Variants in GABBR2 observed in about 807,000 individuals in gnomAD.
GABBR2 encodes gamma-aminobutyric acid type B receptor subunit 2, also known as G-protein coupled receptor 51.
Under a neutral mutation model 105.6 loss-of-function variants are expected in GABBR2, and 23 were observed. The observed-to-expected ratio is 0.22, with a 90% CI of 0.16 to 0.31. The LOEUF is 0.31. Among genes scored for constraint, GABBR2 ranks in the 10% least tolerant of loss-of-function variants. GABBR2 has a pLI of 1.00. For missense variants in GABBR2, 734 were observed against 1,245.5 expected, an observed-to-expected ratio of 0.59 and a Z score of 6.18; for synonymous variants, 478 against 499.7, an observed-to-expected ratio of 0.96 and a Z score of 0.58.
chr9:98,326,814 A>T (rs1472461872), intron 13 of GABBR2, among the ~76,000 whole-genome samples: 5 of 152,170 alleles, frequency 3.3e-5, no homozygotes, highest in African/African-American at 1.2e-4. Context: ...TTTGCTAGGC[A>T]CTCTGTATAT....
chr9:98,671,913 G>A (rs1212107308), intron 1 of GABBR2, among the ~76,000 whole-genome samples: 2 of 152,144 alleles, frequency 1.3e-5, no homozygotes, highest in East Asian at 3.9e-4. Context: ...GCAGAGAGTT[G>A]GAGAACTAGC....
At chr9:98,489,755 A>G (rs1827136749) in intron 4 of GABBR2, among the ~76,000 whole-genome samples, 2 of 151,968 alleles carry the variant, frequency 1.3e-5, no homozygotes, top group Admixed American at 6.6e-5. Flanking sequence ...AGAGGAAGAC[A>G]CCAAGGCAGG....
Position 98,549,066 on chromosome 9 carries a change from C to T in GABBR2, c.460-7023G>A. Among the ~76,000 whole-genome samples the T allele has an allele frequency of 1.7e-5, 2 of 121,186 alleles. 1 individual carries two copies. Among genetic ancestry groups the T allele is most frequent in the Non-Finnish European group, 3.7e-5 (2 of 53,954 alleles). The allele number at this position is 121,186 out of a possible 152,430, so 79.5% of individuals were successfully genotyped here. A position where few individuals can be genotyped will look rare whatever the true frequency, so the allele number is the denominator to read the frequency against. On this transcript the variant is annotated intron_variant, in intron 2 of 18. Transcript: ENST00000259455. ...GATTCTCCTGCCTCAGCCTCCCAAG[C>T]AGTGATTACAGGCACCCACCACCAT...
chr9:98,421,251 G>A (rs1189673672), intron 7 of GABBR2, among the ~76,000 whole-genome samples: 1 of 152,114 alleles, frequency 6.6e-6, no homozygotes, highest in South Asian at 2.1e-4. Flanking sequence ...TGATGACATC[G>A]CCTCTTTGTG....
At chr9:98,613,228 C>T (rs997513967) in intron 1 of GABBR2, among the ~76,000 whole-genome samples, 1 of 152,184 alleles carries the variant, frequency 6.6e-6, no homozygotes, top group African/African-American at 2.4e-5. Flanking sequence ...CACTTGAAGT[C>T]ATGAGTTCGA....
intron 1 of GABBR2, among the ~76,000 whole-genome samples, chr9:98,627,184 C>T (rs1322584368): frequency 6.6e-6 from 1 of 152,132 alleles, no homozygotes; most frequent in Non-Finnish European, 1.5e-5. Context: ...CAGATGTCCA[C>T]ATGATACTCA....
intron 9 of GABBR2, among the ~76,000 whole-genome samples, chr9:98,393,796 T>C (rs975594981): frequency 6.6e-6 from 1 of 152,204 alleles, no homozygotes; most frequent in Non-Finnish European, 1.5e-5. Flanking sequence ...AGAGGAGTTC[T>C]CTAGCAGAGG....
chr9:98,584,687 T>C (rs1262926094), intron 1 of GABBR2, among the ~76,000 whole-genome samples: 1 of 152,188 alleles, frequency 6.6e-6, no homozygotes, highest in African/African-American at 2.4e-5. Context: ...TGCTGAGAGT[T>C]AAAATGTAAA....
At chr9:98,317,283 A>G (rs988337469) in intron 13 of GABBR2, among the ~76,000 whole-genome samples, 5 of 152,222 alleles carry the variant, frequency 3.3e-5, no homozygotes, top group Non-Finnish European at 7.3e-5. Flanking sequence ...GCTCAGCAGG[A>G]GGCACGCAGA....
intron 13 of GABBR2, among the ~76,000 whole-genome samples, chr9:98,325,944 A>G (rs1314756065): frequency 6.6e-6 from 1 of 152,180 alleles, no homozygotes; most frequent in African/African-American, 2.4e-5. Context: ...AGAACCCCCA[A>G]TATTTTCCTC....
intron 13 of GABBR2, among the ~76,000 whole-genome samples, chr9:98,320,755 A>G (rs953698441): frequency 2.7e-5 from 4 of 145,958 alleles, no homozygotes; most frequent in Non-Finnish European, 6.0e-5. Context: ...GCATATTCTC[A>G]CTCATAGGTG....
At chr9:98,649,421 G>C (rs906742288) in intron 1 of GABBR2, among the ~76,000 whole-genome samples, 2 of 152,172 alleles carry the variant, frequency 1.3e-5, no homozygotes, top group African/African-American at 4.8e-5. Context: ...GAGTGACAGG[G>C]AAGGAGGAGA....
At chr9:98,346,055 C>T (rs761836438) in intron 13 of GABBR2, among the ~76,000 whole-genome samples, 11 of 152,178 alleles carry the variant, frequency 7.2e-5, no homozygotes, top group South Asian at 2.1e-4. Flanking sequence ...TTTTCGTTAG[C>T]GGAGGGTTTT....
chr9:98,373,160 G>GATA (rs1191751424), intron 11 of GABBR2, among the ~76,000 whole-genome samples: 1 of 152,102 alleles, frequency 6.6e-6, no homozygotes, highest in Non-Finnish European at 1.5e-5. Context: ...TCAATGAACA[G>GATA]ATAATACATT....
chr9:98,315,718 C>CA (rs1376233041), intron 13 of GABBR2, among the ~76,000 whole-genome samples: 1 of 152,238 alleles, frequency 6.6e-6, no homozygotes, highest in African/African-American at 2.4e-5. Context: ...CACTAGAGGG[C>CA]ACCAAAGAGC....
intron 3 of GABBR2, chr9:98,538,679 C>G (rs764215573): frequency 1.0e-5 from 7 of 691,662 alleles, no homozygotes; most frequent in Non-Finnish European, 1.1e-5. Context: ...CCTCCACCAC[C>G]CCCTCCGACT....
intron 7 of GABBR2, among the ~76,000 whole-genome samples, chr9:98,441,905 A>G (rs1411438200): frequency 6.6e-6 from 1 of 152,242 alleles, no homozygotes; most frequent in Non-Finnish European, 1.5e-5. Flanking sequence ...GTGAGGGACC[A>G]AAATAAATGA....
intron 1 of GABBR2, among the ~76,000 whole-genome samples, chr9:98,593,528 T>C (rs1269707931): frequency 6.6e-6 from 1 of 152,128 alleles, no homozygotes; most frequent in Non-Finnish European, 1.5e-5. Flanking sequence ...TGTGTGAGTC[T>C]GGGCCACCAG....
At chr9:98,369,344 C>T (rs1222346157) in intron 12 of GABBR2, among the ~76,000 whole-genome samples, 1 of 152,136 alleles carries the variant, frequency 6.6e-6, no homozygotes, top group African/African-American at 2.4e-5. Flanking sequence ...AATATACCTC[C>T]ACCTCATCTG....
Sources: allele counts gnomAD v4.1 joint callset (sites outside exome capture counted in the v4.1 genomes callset), GRCh38; gene constraint gnomAD v4.1.1; transcripts MANE v1.5; gene names NCBI Gene and HGNC (gene_info 2026-07-23, HGNC 2026-07-21).